ELMO1: variants seen among roughly 807,000 people sequenced by gnomAD.
ELMO1 encodes engulfment and cell motility protein 1.
ELMO1 carries 26 observed loss-of-function variants against 98.9 expected under a neutral mutation model. That is an observed-to-expected ratio of 0.26 (90% CI 0.19 to 0.36). The LOEUF (loss-of-function observed/expected upper bound fraction) is 0.36. Among genes scored for constraint, ELMO1 ranks in the 10% least tolerant of loss-of-function variants. The pLI, the probability that ELMO1 is intolerant of heterozygous loss-of-function variation, is 1.00. For synonymous variants in ELMO1, 346 were observed against 346.0 expected (o/e 1.00, Z 0.00); for missense variants, 627 against 935.2 (o/e 0.67, Z 4.30).
intron 1 of ELMO1, among the ~76,000 whole-genome samples, chr7:37,428,025 C>T (rs1804776830): frequency 2.5e-5 from 2 of 78,766 alleles, no homozygotes; most frequent in South Asian, 5.8e-4. Context: ...AGGATGTATG[C>T]TTGGGGTGTG....
At chr7:37,036,677 C>T (rs1455169090) in intron 15 of ELMO1, among the ~76,000 whole-genome samples, 1 of 152,080 alleles carries the variant, frequency 6.6e-6, no homozygotes, top group Non-Finnish European at 1.5e-5. Context: ...CCATGCCCGG[C>T]CTAGGATTGT....
chr7:37,309,437 A>C (rs1798784015), intron 4 of ELMO1, among the ~76,000 whole-genome samples: 1 of 152,164 alleles, frequency 6.6e-6, no homozygotes. Flanking sequence ...ATCAGGCAGG[A>C]ACATTTTTCT....
At chr7:37,050,028 C>G (rs773337658) in intron 15 of ELMO1, among the ~76,000 whole-genome samples, 3 of 152,098 alleles carry the variant, frequency 2.0e-5, no homozygotes, top group Admixed American at 2.0e-4. Flanking sequence ...GATCTGCCCA[C>G]TTCAGCCTCT....
chr7:37,332,921 A>G (rs543491731), intron 2 of ELMO1, among the ~76,000 whole-genome samples: 44 of 152,288 alleles, frequency 2.9e-4, no homozygotes, highest in African/African-American at 9.4e-4. Flanking sequence ...CCTAGGGGAA[A>G]TAAGCTACAG....
intron 2 of ELMO1, among the ~76,000 whole-genome samples, chr7:37,326,081 G>C (rs1236786236): frequency 6.6e-6 from 1 of 152,178 alleles, no homozygotes; most frequent in Non-Finnish European, 1.5e-5. Context: ...GAATCTGAAA[G>C]GTAACGACAA....
At chr7:37,072,701 C>A (rs189861921) in intron 15 of ELMO1, among the ~76,000 whole-genome samples, 1 of 152,144 alleles carries the variant, frequency 6.6e-6, no homozygotes, top group African/African-American at 2.4e-5. Flanking sequence ...CAATAACATG[C>A]GTCACCATTA....
chr7:37,137,113 G>A (rs756094526), intron 13 of ELMO1, among the ~76,000 whole-genome samples: 2 of 152,120 alleles, frequency 1.3e-5, no homozygotes, highest in African/African-American at 2.4e-5. Flanking sequence ...AAGCAAGCAG[G>A]AGTAGCTATT....
intron 2 of ELMO1, among the ~76,000 whole-genome samples, chr7:37,332,970 A>T (rs559183032): frequency 1.8e-4 from 27 of 152,318 alleles, no homozygotes; most frequent in African/African-American, 6.5e-4. Flanking sequence ...GATGGACTCA[A>T]GCCCACTTAG....
At chr7:36,956,296 T>C (rs1332018198) in intron 16 of ELMO1, among the ~76,000 whole-genome samples, 1 of 152,256 alleles carries the variant, frequency 6.6e-6, no homozygotes, top group African/African-American at 2.4e-5. Context: ...TATTCTGCTT[T>C]TGGTCATGCC....
intron 4 of ELMO1, among the ~76,000 whole-genome samples, chr7:37,275,591 G>A (rs187606216): frequency 5.3e-4 from 81 of 152,272 alleles, no homozygotes; most frequent in African/African-American, 1.9e-3. Context: ...GGAAACGGAC[G>A]CAGGCACTGC....
At chr7:37,407,936 T>C (rs887052168) in intron 1 of ELMO1, among the ~76,000 whole-genome samples, 5 of 152,214 alleles carry the variant, frequency 3.3e-5, no homozygotes, top group South Asian at 2.1e-4. Context: ...GCCCAATTTT[T>C]CTGTAAACCT....
chr7:37,219,011 T>C (rs1793447784), intron 10 of ELMO1, among the ~76,000 whole-genome samples: 3 of 152,160 alleles, frequency 2.0e-5, no homozygotes, highest in Non-Finnish European at 2.9e-5. Context: ...TGAATAATGG[T>C]AAAAGTTGTA....
At chr7:37,400,699 A>G (rs1189386952) in intron 1 of ELMO1, among the ~76,000 whole-genome samples, 1 of 152,202 alleles carries the variant, frequency 6.6e-6, no homozygotes, top group Non-Finnish European at 1.5e-5. Flanking sequence ...ATACCAGGAA[A>G]GATCAAAACT....
intron 2 of ELMO1, among the ~76,000 whole-genome samples, chr7:37,336,845 C>T (rs1800441795): frequency 6.6e-6 from 1 of 152,024 alleles, no homozygotes; most frequent in Non-Finnish European, 1.5e-5. Flanking sequence ...TTTAAATAAG[C>T]CTGGAATGGA....
intron 4 of ELMO1, among the ~76,000 whole-genome samples, chr7:37,296,531 G>C (rs185115094): frequency 8.5e-5 from 13 of 152,260 alleles, no homozygotes; most frequent in Admixed American, 4.6e-4. Flanking sequence ...GTTGCCATAC[G>C]CTGTGACACA....
chr7:37,169,554 G>T (rs1790000542), intron 13 of ELMO1, among the ~76,000 whole-genome samples: 1 of 152,150 alleles, frequency 6.6e-6, no homozygotes, highest in African/African-American at 2.4e-5. Flanking sequence ...TAGATGTCCT[G>T]AAAAAAATGT....
At chr7:37,449,053 C>G (rs533806017), upstream of ELMO1, 2 of 152,396 alleles carry the variant, frequency 1.3e-5, no homozygotes, top group East Asian at 3.9e-4. Context: ...GTGGTCTGCG[C>G]GTTCGCCTTG....
At chr7:37,124,074 AAATTC>A (rs1284854278) in intron 14 of ELMO1, among the ~76,000 whole-genome samples, 1 of 152,226 alleles carries the variant, frequency 6.6e-6, no homozygotes, top group African/African-American at 2.4e-5. Flanking sequence ...AAGTTTGACA[AAATTC>A]AATAGCCCTT....
intron 7 of ELMO1, among the ~76,000 whole-genome samples, chr7:37,236,924 G>A (rs1049568097): frequency 2.0e-5 from 3 of 152,224 alleles, no homozygotes; most frequent in African/African-American, 7.2e-5. Flanking sequence ...TGGGTATAGA[G>A]AGTCAAGGCT....
Sources: allele counts gnomAD v4.1 joint callset (sites outside exome capture counted in the v4.1 genomes callset), GRCh38; gene constraint gnomAD v4.1.1; transcripts MANE v1.5; gene names NCBI Gene and HGNC (gene_info 2026-07-23, HGNC 2026-07-21).